PIGN: variants seen among roughly 807,000 people sequenced by gnomAD.
PIGN encodes the protein GPI ethanolamine phosphate transferase 1.
In PIGN, 117 loss-of-function variants were observed where a neutral mutation model predicts 125.4. The observed-to-expected ratio is 0.93, with a 90% CI of 0.80 to 1.09. The LOEUF (loss-of-function observed/expected upper bound fraction) is 1.09, where lower values mean the gene tolerates loss of function less well. Among genes scored for constraint, PIGN ranks in the 50% least tolerant of loss-of-function variants. The pLI, the probability that PIGN is intolerant of heterozygous loss-of-function variation, is 0.00. For missense variants in PIGN, 1,075 were observed against 1,094.9 expected (o/e 0.98, Z 0.26); for synonymous variants, 392 against 377.8 (o/e 1.04, Z -0.44).
chr18:62,055,910 C>T (rs985759468), intron 30 of PIGN, among the ~76,000 whole-genome samples: 5 of 150,762 alleles, frequency 3.3e-5, no homozygotes, highest in Non-Finnish European at 7.4e-5. Context: ...CTTATAGGCA[C>T]TTAATCAATA....
At chr18:62,046,114 T>G in intron 30 of PIGN, 135 bp from the exon 31 acceptor site, 1 of 819,778 alleles carries the variant, frequency 1.2e-6, no homozygotes, top group Non-Finnish European at 1.9e-6. Context: ...CTTTACCTTA[T>G]TCCTCCTGCT....
chr18:62,045,632 T>G lies in PIGN; in HGVS notation c.*224A>C. ...AATGAAAAAGGAGAATGCCTTCCTA[T>G]GCTTTTCCACAGATATAATCACTAT... On this transcript the variant is annotated 3_prime_UTR_variant, in exon 31 of 31. Coordinates refer to ENST00000640252, the MANE Select transcript of PIGN (RefSeq NM_176787.5). 1 of 388,304 alleles carries G rather than the reference T, an allele frequency of 2.6e-6. No homozygotes were observed. Among genetic ancestry groups the G allele is most frequent in the Non-Finnish European group, 4.6e-6 (1 of 215,902 alleles). The allele number at this position is 388,304 out of a possible 1,614,324, so 24.1% of individuals were successfully genotyped here. A position where few individuals can be genotyped will look rare whatever the true frequency, so the allele number is the denominator to read the frequency against.
At chr18:62,106,694 A>G in intron 19 of PIGN, 95 bp downstream of exon 19, 2 of 768,772 alleles carry the variant, frequency 2.6e-6, no homozygotes, top group Non-Finnish European at 4.3e-6. Flanking sequence ...AACACATTCT[A>G]CCCTTTTCTT....
intron 4 of PIGN, among the ~76,000 whole-genome samples, chr18:62,158,241 A>G (rs1308523791): frequency 6.6e-6 from 1 of 152,196 alleles, no homozygotes; most frequent in Non-Finnish European, 1.5e-5. Flanking sequence ...TTAAGGAAAA[A>G]ATAATTATAA....
At chr18:62,171,263 T>A (rs1411121274) in intron 1 of PIGN, among the ~76,000 whole-genome samples, 2 of 152,218 alleles carry the variant, frequency 1.3e-5, no homozygotes, top group African/African-American at 4.8e-5. Context: ...ACTATTGTAA[T>A]GTTATTTTTT....
At chr18:62,183,070 T>C (rs1465953139) in intron 1 of PIGN, among the ~76,000 whole-genome samples, 3 of 152,202 alleles carry the variant, frequency 2.0e-5, no homozygotes, top group South Asian at 4.1e-4. Context: ...ATTGTATTCT[T>C]GAAAACTGCT....
At chr18:62,032,018 T>C (rs2030199854) in intron 23 of PIGN, among the ~76,000 whole-genome samples, 1 of 152,198 alleles carries the variant, frequency 6.6e-6, no homozygotes, top group Non-Finnish European at 1.5e-5. Flanking sequence ...TGTGGCTGCA[T>C]CACTCTCAGC....
At chr18:62,114,472 C>T (rs2035009428) in intron 15 of PIGN, 89 bp downstream of exon 15, 2 of 778,706 alleles carry the variant, frequency 2.6e-6, no homozygotes, top group Non-Finnish European at 4.5e-6. Context: ...CAAGAAAGCT[C>T]CCTGGCCTGC....
At position 62,167,155 on chromosome 18, in the gene PIGN, C is replaced by G. The variant is rs180998116; in HGVS notation, c.-235-3499G>C. ...CACAGACTGACACCTCGTTCTCTCC[C>G]GTATGCCTTGTCTATTGACAGAGAG... is the stretch of plus-strand genomic sequence containing the variant. On this transcript the variant is annotated intron_variant, in intron 1 of 30. Transcript: ENST00000640252. 3.9e-5 allele frequency among the ~76,000 whole-genome samples: 6 copies of G among 152,008 alleles called. No individual in the cohort carries two copies. The East Asian group carries it at 1.2e-3, about 29-fold the overall frequency.
chr18:62,029,049 A>G (rs1347010834), intron 23 of PIGN, among the ~76,000 whole-genome samples: 1 of 152,196 alleles, frequency 6.6e-6, no homozygotes, highest in Non-Finnish European at 1.5e-5. Flanking sequence ...GCGGACATGG[A>G]GGCCAGTGGT....
intron 4 of PIGN, among the ~76,000 whole-genome samples, chr18:62,160,764 C>T (rs2036921702): frequency 6.6e-6 from 1 of 152,152 alleles, no homozygotes; most frequent in South Asian, 2.1e-4. Context: ...GTGCCTCAGC[C>T]TCCCAAAGTG....
intron 23 of PIGN, among the ~76,000 whole-genome samples, chr18:62,029,252 C>G (rs964563318): frequency 6.6e-6 from 1 of 152,176 alleles, no homozygotes; most frequent in African/African-American, 2.4e-5. Flanking sequence ...ATAAACTGAT[C>G]CAGAGAACCA....
intron 21 of PIGN, among the ~76,000 whole-genome samples, chr18:62,102,078 T>C (rs2034464221): frequency 6.6e-6 from 1 of 151,452 alleles, no homozygotes; most frequent in African/African-American, 2.4e-5. Context: ...ATATACAACA[T>C]TAGCCAGGCG....
At position 62,042,374 on chromosome 18, in the gene PIGN, G is replaced by C. The variant is rs1350061125; in HGVS notation, c.*3482C>G. ...ACTATTTTTATTATGACATTTATTTGTATTACAAGGAACCAATGTTCTAAG... is the reference window on the plus strand; with the variant it reads ...ACTATTTTTATTATGACATTTATTTCTATTACAAGGAACCAATGTTCTAAG... On this transcript the variant is annotated 3_prime_UTR_variant, in exon 31 of 31. Coordinates refer to ENST00000640252, the MANE Select transcript of PIGN (RefSeq NM_176787.5). 6.6e-6 allele frequency: 1 copy of C among 152,086 alleles called. No individual in the cohort carries two copies. The highest frequency in any genetic ancestry group is 1.5e-5 in the Non-Finnish European group (1 of 68,000). 9.4% of individuals were successfully genotyped at this position (152,086 alleles called of 1,614,324 possible).
chr18:62,028,126 C>T (rs1310640828), intron 23 of PIGN, among the ~76,000 whole-genome samples: 1 of 152,152 alleles, frequency 6.6e-6, no homozygotes, highest in African/African-American at 2.4e-5. Context: ...AATCCACTTC[C>T]AGCTCTTTCC....
intron 30 of PIGN, chr18:62,052,941 T>G: frequency 2.6e-6 from 1 of 388,592 alleles, no homozygotes; most frequent in Non-Finnish European, 4.5e-6. Flanking sequence ...GTATTTTATT[T>G]CTCTGAAGGA....
intron 14 of PIGN, among the ~76,000 whole-genome samples, chr18:62,123,262 G>A (rs2035378802): frequency 6.6e-6 from 1 of 152,102 alleles, no homozygotes; most frequent in Non-Finnish European, 1.5e-5. Context: ...TTAAAAAAAT[G>A]AAAGACTATA....
chr18:62,143,091 A>G (rs1423289161), intron 11 of PIGN, among the ~76,000 whole-genome samples: 2 of 152,240 alleles, frequency 1.3e-5, no homozygotes, highest in East Asian at 3.8e-4. Flanking sequence ...GTTATTTGGA[A>G]GAAGTCTTTT....
At chr18:62,121,804 T>C (rs965985696) in intron 14 of PIGN, among the ~76,000 whole-genome samples, 3 of 152,222 alleles carry the variant, frequency 2.0e-5, no homozygotes, top group African/African-American at 4.8e-5. Flanking sequence ...ATATTTTAGC[T>C]ACTGTAAGTA....
Sources: allele counts gnomAD v4.1 joint callset (sites outside exome capture counted in the v4.1 genomes callset), GRCh38; gene constraint gnomAD v4.1.1; transcripts MANE v1.5; gene names NCBI Gene and HGNC (gene_info 2026-07-23, HGNC 2026-07-21).